FRMD4A: variants seen among roughly 807,000 people sequenced by gnomAD.
FRMD4A encodes FERM domain-containing protein 4A.
A neutral mutation model predicts 129.1 loss-of-function variants in FRMD4A; 29 were observed. The ratio of observed to expected loss-of-function variants is 0.22; its 90% CI spans 0.17 to 0.31. FRMD4A has a LOEUF of 0.31. FRMD4A is among the 10% of genes least tolerant of loss of function. The pLI is 1.00. For missense variants in FRMD4A, 1,272 were observed against 1,375.8 expected (o/e 0.92, Z 1.19); for synonymous variants, 634 against 571.6 (o/e 1.11, Z -1.56).
intron 2 of FRMD4A, among the ~76,000 whole-genome samples, chr10:14,111,432 T>C (rs1054904100): frequency 1.3e-5 from 2 of 152,210 alleles, no homozygotes; most frequent in Non-Finnish European, 2.9e-5. Flanking sequence ...GGCTTTATTG[T>C]TGCCATTGGA....
At chr10:13,765,101 ATT>A (rs10708906) in intron 6 of FRMD4A, among the ~76,000 whole-genome samples, 112 of 125,264 alleles carry the variant, frequency 8.9e-4, no homozygotes, top group Middle Eastern at 8.3e-3. Flanking sequence ...TCAAGGATTG[ATT>A]TTTTTTTTTT....
intron 2 of FRMD4A, among the ~76,000 whole-genome samples, chr10:13,969,320 A>G (rs904826146): frequency 1.3e-5 from 2 of 152,248 alleles, no homozygotes; most frequent in Non-Finnish European, 2.9e-5. Flanking sequence ...ACCACAGACA[A>G]GCACGAGGCG....
chr10:14,246,602 CAT>C (rs1284841864), intron 2 of FRMD4A, among the ~76,000 whole-genome samples: 3 of 152,206 alleles, frequency 2.0e-5, no homozygotes, highest in African/African-American at 7.2e-5. Context: ...CATATACACA[CAT>C]ATGTGCGCAC....
chr10:14,024,350 TTACAAACAC>T (rs2131650173), intron 2 of FRMD4A, among the ~76,000 whole-genome samples: 1 of 152,320 alleles, frequency 6.6e-6, no homozygotes, highest in African/African-American at 2.4e-5. Context: ...AAGCCTTTAC[TTACAAACAC>T]ATCCATGAGC....
rs192354725 is a variant in FRMD4A at position 14,118,655 on chromosome 10, G to A, written c.45+211403C>T. On this transcript the variant is annotated intron_variant, in intron 2 of 24. Transcript: ENST00000357447. Reference sequence around the variant, plus strand: ...AATCATGGTGGAAGATGAAGGAAGAGCAAAGTCATGTCTTACACAGTGGCC... The same window carrying A: ...AATCATGGTGGAAGATGAAGGAAGAACAAAGTCATGTCTTACACAGTGGCC... Among the ~76,000 whole-genome samples the A allele has an allele frequency of 2.0e-4, 30 of 152,338 alleles. No individual in the cohort carries two copies. The East Asian group carries it at 2.9e-3, about 15-fold the overall frequency.
intron 10 of FRMD4A, 78 bp downstream of exon 10, chr10:13,740,434 G>A (rs959342965): frequency 1.0e-6 from 1 of 954,374 alleles, no homozygotes; most frequent in Admixed American, 1.9e-5. Flanking sequence ...CTTTGGAGAG[G>A]AACTGAACAA....
intron 2 of FRMD4A, among the ~76,000 whole-genome samples, chr10:14,147,441 T>C (rs1472019851): frequency 6.6e-6 from 1 of 152,146 alleles, no homozygotes; most frequent in Admixed American, 6.5e-5. Context: ...TTCAAGCACA[T>C]TACCTTTCTT....
chr10:13,764,086 T>G (rs2092182792), intron 6 of FRMD4A, among the ~76,000 whole-genome samples: 1 of 152,126 alleles, frequency 6.6e-6, no homozygotes. Context: ...TGCATATGTT[T>G]AATGTAAACA....
At chr10:13,681,666 G>A (rs1430087326) in intron 15 of FRMD4A, among the ~76,000 whole-genome samples, 1 of 152,152 alleles carries the variant, frequency 6.6e-6, no homozygotes, top group Non-Finnish European at 1.5e-5. Context: ...AAACTGTTAT[G>A]TAGCTTCCTC....
intron 2 of FRMD4A, among the ~76,000 whole-genome samples, chr10:14,018,416 A>G (rs1468620826): frequency 1.5e-5 from 2 of 134,014 alleles, no homozygotes; most frequent in African/African-American, 2.9e-5. Context: ...AGGTCGTGCC[A>G]CTGCACTCCA....
chr10:14,245,715 G>A (rs1844210897), intron 2 of FRMD4A, among the ~76,000 whole-genome samples: 1 of 152,182 alleles, frequency 6.6e-6, no homozygotes, highest in Admixed American at 6.5e-5. Context: ...CCAGGGAGAA[G>A]ACAGCATCTA....
chr10:14,264,984 A>G (rs914286891), intron 2 of FRMD4A, among the ~76,000 whole-genome samples: 11 of 152,074 alleles, frequency 7.2e-5, no homozygotes. Flanking sequence ...GGGTTTCACC[A>G]TATTGGCCAG....
rs188588278 is a variant in FRMD4A at position 14,186,580 on chromosome 10, C to T, written c.45+143478G>A. ...GGCACACTGGGCAGTGACCCTTTGG[C>T]TCCATGACAAACATGATGGTCTAGG... On this transcript the variant is annotated intron_variant, in intron 2 of 24. Transcript: ENST00000357447. Among the ~76,000 whole-genome samples the T allele has an allele frequency of 2.1e-3, 326 of 152,336 alleles. 2 individuals are homozygous for T. The highest frequency in any genetic ancestry group is 7.3e-3 in the African/African-American group (302 of 41,586).
chr10:14,322,484 A>G (rs150419920), intron 2 of FRMD4A, among the ~76,000 whole-genome samples: 111 of 152,344 alleles, frequency 7.3e-4, no homozygotes, highest in African/African-American at 2.4e-3. Context: ...GCAAGGCCTG[A>G]GTGAAAGACA....
At chr10:13,964,133 A>G (rs1389269724) in intron 2 of FRMD4A, among the ~76,000 whole-genome samples, 4 of 95,454 alleles carry the variant, frequency 4.2e-5, no homozygotes, top group East Asian at 2.7e-4. Context: ...CAGGCATTAG[A>G]AAAAAAAAAA....
At chr10:14,233,000 AC>A (rs1843687504) in intron 2 of FRMD4A, among the ~76,000 whole-genome samples, 1 of 152,142 alleles carries the variant, frequency 6.6e-6, no homozygotes, top group Non-Finnish European at 1.5e-5. Flanking sequence ...AAAAATACAG[AC>A]TTTTTGAGAC....
intron 2 of FRMD4A, among the ~76,000 whole-genome samples, chr10:14,112,552 G>A (rs773300244): frequency 6.6e-6 from 1 of 152,284 alleles, no homozygotes; most frequent in South Asian, 2.1e-4. Context: ...TTGAGATGGA[G>A]TCTCACTCTG....
chr10:13,880,022 T>C (rs1323938376), intron 2 of FRMD4A, among the ~76,000 whole-genome samples: 4 of 152,092 alleles, frequency 2.6e-5, no homozygotes, highest in Non-Finnish European at 5.9e-5. Flanking sequence ...TACTCAGTTC[T>C]GAACCCTGGA....
At chr10:13,660,857 G>A (rs2082586904) in intron 19 of FRMD4A, among the ~76,000 whole-genome samples, 1 of 152,182 alleles carries the variant, frequency 6.6e-6, no homozygotes, top group African/African-American at 2.4e-5. Flanking sequence ...ACAAATGACT[G>A]CTTCACACTA....
Sources: allele counts gnomAD v4.1 joint callset (sites outside exome capture counted in the v4.1 genomes callset), GRCh38; gene constraint gnomAD v4.1.1; transcripts MANE v1.5; gene names NCBI Gene and HGNC (gene_info 2026-07-23, HGNC 2026-07-21).